SCFD2: variants seen among roughly 807,000 people sequenced by gnomAD.
SCFD2 encodes the protein sec1 family domain containing 2.
Under a neutral mutation model 58.9 loss-of-function variants are expected in SCFD2, and 54 were observed. The observed-to-expected ratio is 0.92, with a 90% CI of 0.74 to 1.15. The LOEUF (loss-of-function observed/expected upper bound fraction) is 1.15. SCFD2 is among the 50% of genes most tolerant of loss of function. The probability of loss-of-function intolerance (pLI) is 0.00; values close to 1 mark genes in which losing one functional copy is unlikely to be tolerated. For missense variants in SCFD2, 805 were observed against 836.6 expected (o/e 0.96, Z 0.47); for synonymous variants, 321 against 335.9 (o/e 0.96, Z 0.49).
chr4:52,888,038 G>A (rs891282271), intron 7 of SCFD2, among the ~76,000 whole-genome samples: 6 of 150,404 alleles, frequency 4.0e-5, no homozygotes, highest in African/African-American at 7.4e-5. Flanking sequence ...AGCCTCCCGA[G>A]TAGCTGGGAC....
At chr4:53,099,942 T>C (rs528587764) in intron 5 of SCFD2, among the ~76,000 whole-genome samples, 1 of 152,156 alleles carries the variant, frequency 6.6e-6, no homozygotes, top group African/African-American at 2.4e-5. Context: ...GAAAAGACAC[T>C]GAATTGAACC....
At chr4:52,906,051 T>C (rs971871611) in intron 7 of SCFD2, among the ~76,000 whole-genome samples, 3 of 152,340 alleles carry the variant, frequency 2.0e-5, no homozygotes, top group East Asian at 3.9e-4. Context: ...AAGATCCCTT[T>C]GGCTAAGAAA....
intron 4 of SCFD2, among the ~76,000 whole-genome samples, chr4:53,155,970 A>G (rs1726667161): frequency 6.6e-6 from 1 of 152,242 alleles, no homozygotes. Context: ...TTTGCAGGTA[A>G]CAACACAGAT....
chr4:52,887,655 G>A (rs1718770033), intron 7 of SCFD2, among the ~76,000 whole-genome samples: 1 of 152,186 alleles, frequency 6.6e-6, no homozygotes, highest in African/African-American at 2.4e-5. Context: ...CCAGCTGCCT[G>A]CGTGGCCACC....
intron 1 of SCFD2, among the ~76,000 whole-genome samples, chr4:53,358,586 G>A (rs1343020968): frequency 2.0e-5 from 3 of 150,474 alleles, no homozygotes; most frequent in African/African-American, 7.3e-5. Flanking sequence ...TTTACATGAA[G>A]CTAAAATTCA....
chr4:52,874,369 C>G (rs947283915), intron 8 of SCFD2, among the ~76,000 whole-genome samples: 3 of 152,188 alleles, frequency 2.0e-5, no homozygotes, highest in African/African-American at 7.2e-5. Flanking sequence ...CAGAGCCCAG[C>G]CACTACCTTG....
At chr4:53,073,604 T>A (rs1723887250) in intron 5 of SCFD2, among the ~76,000 whole-genome samples, 4 of 152,120 alleles carry the variant, frequency 2.6e-5, no homozygotes, top group Admixed American at 2.6e-4. Flanking sequence ...GGTGGAAGAC[T>A]TTAGTTTCCC....
At chr4:53,352,111 TTCTC>T (rs1237575443) in intron 2 of SCFD2, among the ~76,000 whole-genome samples, 1 of 152,212 alleles carries the variant, frequency 6.6e-6, no homozygotes, top group African/African-American at 2.4e-5. Context: ...GTACATAATC[TTCTC>T]TCTTTGATTC....
chr4:53,154,340 G>C (rs1263807696), intron 4 of SCFD2, among the ~76,000 whole-genome samples: 1 of 152,164 alleles, frequency 6.6e-6, no homozygotes, highest in Non-Finnish European at 1.5e-5. Flanking sequence ...AGAGTGAGCT[G>C]GCATATCACA....
At chr4:53,336,089 A>C (rs1733675648) in intron 2 of SCFD2, among the ~76,000 whole-genome samples, 1 of 152,206 alleles carries the variant, frequency 6.6e-6, no homozygotes, top group African/African-American at 2.4e-5. Context: ...AAGCCCTTAG[A>C]GACTCTTACA....
Position 53,302,053 on chromosome 4 carries a change from G to A in SCFD2, c.1135+11583C>T, listed in dbSNP as rs188345688. ...TTGAAAACGGGCACAAGACAGGGAT[G>A]CCCTCTCTCACCACTCCTATTCAAC... On this transcript the variant is annotated intron_variant, in intron 3 of 8. Coordinates refer to ENST00000401642, the MANE Select transcript of SCFD2 (RefSeq NM_152540.4). 8.5e-3 allele frequency among the ~76,000 whole-genome samples: 1,297 copies of A among 152,272 alleles called. 17 individuals are homozygous for A. Among genetic ancestry groups the A allele is most frequent in the African/African-American group, 0.029 (1,221 of 41,548 alleles).
At chr4:53,125,200 G>T (rs1417581255) in intron 5 of SCFD2, among the ~76,000 whole-genome samples, 1 of 152,184 alleles carries the variant, frequency 6.6e-6, no homozygotes, top group Non-Finnish European at 1.5e-5. Flanking sequence ...TTATAGGTAA[G>T]AATGGGGAAC....
At chr4:52,956,394 A>G (rs538157246) in intron 5 of SCFD2, 1 of 371,134 alleles carries the variant, frequency 2.7e-6, no homozygotes, top group Admixed American at 3.5e-5. Context: ...AAATTATCTT[A>G]AGGAAAAGAG....
chr4:52,949,177 T>C (rs1446315259), intron 5 of SCFD2: 1 of 152,226 alleles, frequency 6.6e-6, no homozygotes, highest in East Asian at 1.9e-4. Flanking sequence ...CACACACACA[T>C]ATTTTACATT....
rs1263771773 is a variant in SCFD2, at chr4:53,207,482, A to AGAAACTGT, written c.1312-61901_1312-61900insACAGTTTC. 2.2e-3 allele frequency among the ~76,000 whole-genome samples: 29 copies of AGAAACTGT among 13,010 alleles called. 11 individuals carry two copies. The highest frequency in any genetic ancestry group is 9.0e-3 in the East Asian group (4 of 442). 8.5% of individuals were successfully genotyped at this position (13,010 alleles called of 152,430 possible). On this transcript the variant is annotated intron_variant, in intron 4 of 8. Coordinates refer to ENST00000401642, the MANE Select transcript of SCFD2 (RefSeq NM_152540.4). The stretch of plus-strand genomic sequence containing the variant: ...ATGGCTGAGTAGTTTGAAATATATT[A>AGAAACTGT]TATATATATTTCATATATATATATT...
chr4:52,989,561 T>G (rs531723052), intron 5 of SCFD2, among the ~76,000 whole-genome samples: 1 of 152,348 alleles, frequency 6.6e-6, no homozygotes, highest in Admixed American at 6.5e-5. Context: ...GCCTGTGGAA[T>G]GCTTATGGTA....
At chr4:53,050,558 G>C (rs1022511137) in intron 5 of SCFD2, among the ~76,000 whole-genome samples, 2 of 152,148 alleles carry the variant, frequency 1.3e-5, no homozygotes, top group Admixed American at 6.6e-5. Context: ...AGTGGTGGGA[G>C]GCTATGAAGA....
At chr4:53,178,070 C>A (rs1253162605) in intron 4 of SCFD2, among the ~76,000 whole-genome samples, 3 of 152,222 alleles carry the variant, frequency 2.0e-5, no homozygotes, top group African/African-American at 4.8e-5. Context: ...TCTGTAGGCT[C>A]CACCTCTGGG....
At chr4:53,093,817 G>T (rs1280888322) in intron 5 of SCFD2, among the ~76,000 whole-genome samples, 1 of 152,024 alleles carries the variant, frequency 6.6e-6, no homozygotes, top group Non-Finnish European at 1.5e-5. Context: ...CTCAAGAAAC[G>T]GTAGCATCAG....
Sources: gnomAD v4.1 joint callset for allele counts (sites outside exome capture counted in the v4.1 genomes callset) on GRCh38, gnomAD v4.1.1 for gene constraint, MANE v1.5 for transcripts, NCBI Gene and HGNC (gene_info 2026-07-23, HGNC 2026-07-21) for gene names.